Variants in KPNA5 observed in about 807,000 individuals in gnomAD.
KPNA5 encodes the protein karyopherin subunit alpha 5, also known as importin subunit alpha-6.
KPNA5 carries 46 observed loss-of-function variants against 71.3 expected under a neutral mutation model. The observed-to-expected ratio is 0.65, with a 90% confidence interval of 0.51 to 0.83. The LOEUF is 0.83. Among genes scored for constraint, KPNA5 ranks in the 40% least tolerant of loss-of-function variants. The pLI is 0.00. For missense variants in KPNA5, 547 were observed against 628.3 expected (o/e 0.87, Z 1.38); for synonymous variants, 207 against 201.4 (o/e 1.03, Z -0.24).
chr6:116,708,786 TA>T (rs1180016715), intron 7 of KPNA5, among the ~76,000 whole-genome samples: 13 of 152,144 alleles, frequency 8.5e-5, no homozygotes, highest in African/African-American at 2.9e-4. Flanking sequence ...GTTGATTATT[TA>T]TTTTTTTATT....
rs892335843 is a variant in KPNA5, at chr6:116,741,591, C to G, written c.*9268C>G. On this transcript the variant is annotated 3_prime_UTR_variant, in exon 14 of 14. Coordinates refer to ENST00000368564, the MANE Select transcript of KPNA5 (RefSeq NM_001366306.2). Reference sequence around the variant, plus strand: ...AAATATCATGATCATATTGAAAGATCAAGCATGAGCTTCCATGGTGAAGTC... The same window carrying G: ...AAATATCATGATCATATTGAAAGATGAAGCATGAGCTTCCATGGTGAAGTC... 5.2e-5 allele frequency: 8 copies of G among 153,038 alleles called. No homozygotes were observed. Among genetic ancestry groups the G allele is most frequent in the African/African-American group, 1.9e-4 (8 of 41,406 alleles). The allele number at this position is 153,038 out of a possible 1,614,324, so 9.5% of individuals were successfully genotyped here.
intron 12 of KPNA5, among the ~76,000 whole-genome samples, chr6:116,728,395 A>G (rs1396514343): frequency 6.6e-6 from 1 of 152,096 alleles, no homozygotes; most frequent in Non-Finnish European, 1.5e-5. Flanking sequence ...TTAAGTTTGC[A>G]TATTTGGGAA....
Position 116,729,705 on chromosome 6 carries a change from A to G in KPNA5, c.1396A>G (p.Ile466Val), listed in dbSNP as rs773799032. 13 of 1,605,378 alleles carry G rather than the reference A, an allele frequency of 8.1e-6. No homozygotes were observed. The highest frequency in any genetic ancestry group is 6.0e-6 in the Non-Finnish European group (7 of 1,175,846). The change falls in exon 13 of 14, where the codon ATT becomes GTT. Residue 466 changes from isoleucine (I) to valine (V), a missense_variant. Transcript: ENST00000368564. ...EQESKQNGIG[I>V]NPYCALIEEA... is the part of the protein sequence containing the mutation. Reference sequence around the variant, plus strand: ...AGAATCTAAGCAGAATGGAATAGGCATTAATCCATACTGTGCTCTCATTGA... The same window carrying G: ...AGAATCTAAGCAGAATGGAATAGGCGTTAATCCATACTGTGCTCTCATTGA...
At chr6:116,681,954 A>C (rs1306609005) in intron 1 of KPNA5, among the ~76,000 whole-genome samples, 1 of 152,126 alleles carries the variant, frequency 6.6e-6, no homozygotes, top group Non-Finnish European at 1.5e-5. Flanking sequence ...CTGTGAAATG[A>C]CAGTGATATG....
chr6:116,705,853 G>A (rs1250989718), intron 7 of KPNA5, among the ~76,000 whole-genome samples: 1 of 152,178 alleles, frequency 6.6e-6, no homozygotes, highest in Non-Finnish European at 1.5e-5. Flanking sequence ...TCCAGCTGAG[G>A]AATTGAATAG....
chr6:116,696,842 A>T (rs1262977696), intron 4 of KPNA5, among the ~76,000 whole-genome samples: 1 of 152,138 alleles, frequency 6.6e-6, no homozygotes, highest in African/African-American at 2.4e-5. Flanking sequence ...ATAAGCTGAC[A>T]ATCCAAGTGC....
intron 9 of KPNA5, 34 bp from the exon 10 acceptor site, chr6:116,724,263 C>T (rs1179891648): frequency 2.2e-6 from 3 of 1,372,410 alleles, no homozygotes; most frequent in African/African-American, 2.9e-5. Flanking sequence ...TAAATTCTTA[C>T]TAGTATTTAG....
chr6:116,725,642 T>TAAA, intron 10 of KPNA5, 109 bp from the exon 11 acceptor site: 1 of 1,011,406 alleles, frequency 9.9e-7, no homozygotes, highest in South Asian at 1.9e-5. Flanking sequence ...TCTCCTTTCT[T>TAAA]AATTTCACTT....
At chr6:116,702,418 C>T (rs934948153) in intron 6 of KPNA5, among the ~76,000 whole-genome samples, 2 of 152,134 alleles carry the variant, frequency 1.3e-5, no homozygotes, top group Admixed American at 6.6e-5. Context: ...CATGGTGGCT[C>T]ATGCCTGTAT....
chr6:116,737,981 G>A lies in KPNA5; in HGVS notation c.*5658G>A, dbSNP rs1779732324. The A allele has an allele frequency of 6.6e-6, 1 of 151,590 alleles. No individual in the cohort carries two copies. Among genetic ancestry groups the A allele is most frequent in the Non-Finnish European group, 1.5e-5 (1 of 67,870 alleles). The allele number at this position is 151,590 out of a possible 1,614,324, so 9.4% of individuals were successfully genotyped here. On this transcript the variant is annotated 3_prime_UTR_variant, in exon 14 of 14. Coordinates refer to ENST00000368564, the MANE Select transcript of KPNA5 (RefSeq NM_001366306.2). ...TTAAGGTTGTTAAATGTTTAATTTG[G>A]GAAGGCTAAAAATTTACCTTGAAGT...
chr6:116,704,320 G>A (rs1046052218), intron 6 of KPNA5, among the ~76,000 whole-genome samples: 3 of 152,130 alleles, frequency 2.0e-5, no homozygotes, highest in South Asian at 2.1e-4. Flanking sequence ...TTACAGGCAT[G>A]AGCCACTGCA....
In KPNA5 at chr6:116,702,063, T is replaced by C; in HGVS notation, c.480T>C (p.Phe160=). Residue 160 remains phenylalanine, a synonymous_variant, in exon 6 of 14, where the codon TTT becomes TTC. Coordinates refer to ENST00000368564, the MANE Select transcript of KPNA5 (RefSeq NM_001366306.2). Reference sequence around the variant, plus strand: ...TAACAAATATAGCATCTGGAACTTTTCTGCATACCAAGGTAGTGATTGAAA... The same window carrying C: ...TAACAAATATAGCATCTGGAACTTTCCTGCATACCAAGGTAGTGATTGAAA... The part of the protein sequence containing the change: ...WALTNIASGT[F]LHTKVVIETG... 6.2e-7 allele frequency: 1 copy of C among 1,613,960 alleles called. No homozygotes were observed. Among genetic ancestry groups the C allele is most frequent in the South Asian group, 1.1e-5 (1 of 91,050 alleles).
At chr6:116,714,182 C>A (rs980894069) in intron 7 of KPNA5, among the ~76,000 whole-genome samples, 2 of 151,878 alleles carry the variant, frequency 1.3e-5, no homozygotes, top group Admixed American at 6.5e-5. Flanking sequence ...TCAGATTCTC[C>A]TCTCCTTCCA....
At chr6:116,725,421 G>A (rs766746926) in intron 10 of KPNA5, among the ~76,000 whole-genome samples, 6 of 151,956 alleles carry the variant, frequency 3.9e-5, no homozygotes, top group Non-Finnish European at 8.8e-5. Context: ...CAATTCATTT[G>A]GCAAAACTAG....
rs1007851418 is a variant in KPNA5 at position 116,737,456 on chromosome 6, T to C, written c.*5133T>C. The C allele has an allele frequency of 1.3e-5, 2 of 152,056 alleles. No homozygotes were observed. Among genetic ancestry groups the C allele is most frequent in the African/African-American group, 4.8e-5 (2 of 41,438 alleles). The allele number at this position is 152,056 out of a possible 1,614,324, so 9.4% of individuals were successfully genotyped here. On this transcript the variant is annotated 3_prime_UTR_variant, in exon 14 of 14. Transcript: ENST00000368564. Reference sequence around the variant, plus strand: ...TGTAGTTTTGTCACATTTGGTACTCTACCTTGTGAACTCTAGTTTTGTCCT... The same window carrying C: ...TGTAGTTTTGTCACATTTGGTACTCCACCTTGTGAACTCTAGTTTTGTCCT...
Position 116,722,287 on chromosome 6 carries a change from G to T in KPNA5, c.918G>T (p.Leu306Phe). 6.2e-7 allele frequency: 1 copy of T among 1,603,194 alleles called. No individual in the cohort carries two copies. Among genetic ancestry groups the T allele is most frequent in the South Asian group, 1.1e-5 (1 of 88,814 alleles). Residue 306 changes from leucine (L) to phenylalanine (F), a missense_variant and splice_region_variant, in exon 9 of 14, where the codon TTG becomes TTT. Coordinates refer to ENST00000368564, the MANE Select transcript of KPNA5 (RefSeq NM_001366306.2). ...SGVCRRLVEL[L>F]MHNDYKVVSP... ...TCTGTCGAAGATTGGTGGAACTTTT[G>T]ATGTAACTATAAATAATTTATGCTT...
At chr6:116,694,891 G>A (rs1177449) in intron 4 of KPNA5, among the ~76,000 whole-genome samples, 67,914 of 151,926 alleles carry the variant, frequency 0.45, 18,209 homozygotes, top group African/African-American at 0.76. Context: ...ATTAATTTAT[G>A]CTCCCATCTT....
At chr6:116,690,248 T>C (rs1397693958) in intron 2 of KPNA5, among the ~76,000 whole-genome samples, 1 of 152,218 alleles carries the variant, frequency 6.6e-6, no homozygotes, top group African/African-American at 2.4e-5. Context: ...AGAAATATGA[T>C]AATGATTTCT....
chr6:116,719,100 A>C (rs9489024), intron 8 of KPNA5, among the ~76,000 whole-genome samples: 26 of 152,236 alleles, frequency 1.7e-4, no homozygotes, highest in Admixed American at 1.7e-3. Flanking sequence ...TTTCATTTCT[A>C]CAATCCTATT....
Sources: gnomAD v4.1 joint callset for allele counts (sites outside exome capture counted in the v4.1 genomes callset) on GRCh38, gnomAD v4.1.1 for gene constraint, MANE v1.5 for transcripts, NCBI Gene and HGNC (gene_info 2026-07-23, HGNC 2026-07-21) for gene names.